CEP250: variants seen among roughly 807,000 people sequenced by gnomAD.
CEP250 encodes the protein centrosome-associated protein CEP250.
A neutral mutation model predicts 315.7 loss-of-function variants in CEP250; 242 were observed. The ratio of observed to expected loss-of-function variants is 0.77; its 90% confidence interval spans 0.69 to 0.85. CEP250 has a LOEUF of 0.85. Ranked by LOEUF, CEP250 falls within the 40% of genes least tolerant of loss-of-function variation. CEP250 has a pLI of 0.00. For synonymous variants in CEP250, 1,088 were observed against 1,175.0 expected, an observed-to-expected ratio of 0.93 and a Z score of 1.51; for missense variants, 2,515 against 2,886.4, an observed-to-expected ratio of 0.87 and a Z score of 2.95.
intron 20 of CEP250, among the ~76,000 whole-genome samples, chr20:35,482,391 C>T (rs567261943): frequency 5.5e-4 from 83 of 151,884 alleles, no homozygotes; most frequent in African/African-American, 1.8e-3. Context: ...CCACCATGCC[C>T]GGCTAATTTT....
At chr20:35,469,507 G>C (rs75848005) in intron 9 of CEP250, among the ~76,000 whole-genome samples, 1 of 152,118 alleles carries the variant, frequency 6.6e-6, no homozygotes, top group African/African-American at 2.4e-5. Context: ...TCAGAACCTC[G>C]GGCTGGAGGG....
chr20:35,508,273 G>A lies in CEP250; in HGVS notation c.6906+83G>A. The A allele has an allele frequency of 2.1e-6, 3 of 1,441,788 alleles. No individual in the cohort carries two copies. The South Asian group carries it at 3.7e-5, about 18-fold the overall frequency. The allele number at this position is 1,441,788 out of a possible 1,614,324, so 89.3% of individuals were successfully genotyped here. On this transcript the variant is annotated intron_variant, in intron 32 of 34. Transcript: ENST00000397527. ...GCATAGGCTCAGTAAATTACAGCCT[G>A]TGGGCCAAATCCAGCCTGCTGCCTG...
chr20:35,462,220 T>G (rs1238840639), intron 3 of CEP250, 45 bp from the exon 4 acceptor site: 1 of 615,434 alleles, frequency 1.6e-6, no homozygotes, highest in Non-Finnish European at 2.8e-6. Flanking sequence ...TTGTGTGTAG[T>G]AAAAGAACAG....
Position 35,465,779 on chromosome 20 carries a change from C to A in CEP250, c.280C>A (p.Pro94Thr), listed in dbSNP as rs1329786176. The change falls in exon 6 of 35, where the codon CCA becomes ACA. Residue 94 changes from proline (P) to threonine (T), a missense_variant. Physicochemically the swap from Pro to Thr is conservative, Grantham distance 38. Coordinates refer to ENST00000397527, the MANE Select transcript of CEP250 (RefSeq NM_007186.6). ...CCAGAGGTGGGAAAATGTGGAGGAG[C>A]CAAACCTGGATGAGCTGCTGGTCCG... ...IPQRWENVEE[P>T]NLDELLVRLE... 3 of 1,609,380 alleles carry A rather than the reference C, an allele frequency of 1.9e-6. No homozygotes were observed. The highest frequency in any genetic ancestry group is 1.1e-5 in the South Asian group (1 of 89,640).
intron 5 of CEP250, 25 bp downstream of exon 5, chr20:35,463,656 C>T (rs761099997): frequency 9.5e-6 from 15 of 1,583,240 alleles, no homozygotes; most frequent in Non-Finnish European, 1.2e-5. Context: ...GCTCTCTGCA[C>T]CCCCTGGGTC....
rs945695743 is a variant in CEP250 at position 35,482,528 on chromosome 20, C to T, written c.2586+2383C>T. 5.3e-5 allele frequency among the ~76,000 whole-genome samples: 8 copies of T among 151,728 alleles called. No individual in the cohort carries two copies. In the South Asian group the frequency reaches 8.3e-4, roughly 16 times the overall value. On this transcript the variant is annotated intron_variant, in intron 20 of 34. Transcript: ENST00000397527. ...TGCTGGGATTACAGGCGTGAGCCAC[C>T]GTGCCCGGCTATTTATTTTTTTATA...
chr20:35,503,857 C>T lies in CEP250; in HGVS notation c.5488C>T (p.Gln1830Ter). ...EALQQEQQQAQGQEERVKEKA... is the reference protein window; with the variant it reads ...EALQQEQQQA ...TCTGCAGCAAGAACAGCAGCAGGCC[C>T]AGGGACAGGAGGAGAGGGTGAAGGA... The change falls in exon 30 of 35, where the codon CAG (glutamine) becomes TAG (stop). Residue 1830 changes from glutamine to a stop codon, truncating the protein, a stop_gained. Transcript: ENST00000397527. LOFTEE classifies it high-confidence loss of function. The surrounding 1 kb of genome is among the most constrained non-coding windows in gnomAD (Gnocchi z 4.2). 6.2e-7 allele frequency: 1 copy of T among 1,613,914 alleles called. No individual in the cohort carries two copies. Among genetic ancestry groups the T allele is most frequent in the Non-Finnish European group, 8.5e-7 (1 of 1,179,936 alleles).
chr20:35,503,860 G>A lies in CEP250; in HGVS notation c.5491G>A (p.Gly1831Arg). The A allele has an allele frequency of 6.2e-7, 1 of 1,613,950 alleles. No individual in the cohort carries two copies. The highest frequency in any genetic ancestry group is 1.1e-5 in the South Asian group (1 of 91,078). ...GCAGCAAGAACAGCAGCAGGCCCAG[G>A]GACAGGAGGAGAGGGTGAAGGAAAA... ...ALQQEQQQAQ[G>R]QEERVKEKAD... The change falls in exon 30 of 35, where the codon GGA (glycine) becomes AGA (arginine). Residue 1831 changes from glycine (G) to arginine (R), a missense_variant. Physicochemically the swap from Gly to Arg is moderately radical, Grantham distance 125. Coordinates refer to ENST00000397527, the MANE Select transcript of CEP250 (RefSeq NM_007186.6). The surrounding 1 kb of genome is among the most constrained non-coding windows in gnomAD (Gnocchi z 4.2).
intron 9 of CEP250, among the ~76,000 whole-genome samples, chr20:35,468,260 T>A (rs1387492348): frequency 6.6e-6 from 1 of 152,178 alleles, no homozygotes; most frequent in Non-Finnish European, 1.5e-5. Flanking sequence ...AAATGTCACC[T>A]CTTCTATGAA....
At chr20:35,473,322 TC>T in intron 12 of CEP250, 51 bp from the exon 13 acceptor site, 1 of 1,518,956 alleles carries the variant, frequency 6.6e-7, no homozygotes, top group Non-Finnish European at 8.9e-7. Context: ...GGTTCTGACA[TC>T]CCTCCTTTGC....
intron 26 of CEP250, 49 bp from the exon 27 acceptor site, chr20:35,498,546 T>G (rs1409039545): frequency 2.5e-6 from 4 of 1,597,996 alleles, no homozygotes; most frequent in Non-Finnish European, 3.4e-6. Flanking sequence ...GTCTGGCTGT[T>G]TCTTTTCATA....
At chr20:35,460,377 A>G (rs2062727266) in intron 3 of CEP250, among the ~76,000 whole-genome samples, 1 of 152,238 alleles carries the variant, frequency 6.6e-6, no homozygotes, top group Non-Finnish European at 1.5e-5. Context: ...AACAGAAACA[A>G]TAGCACAGTT....
intron 10 of CEP250, among the ~76,000 whole-genome samples, chr20:35,470,573 A>T (rs2063000287): frequency 6.6e-6 from 1 of 152,146 alleles, no homozygotes; most frequent in Admixed American, 6.5e-5. Context: ...AACATGCAGA[A>T]ACCCCGTCTC....
chr20:35,494,691 C>G (rs747874398), intron 24 of CEP250, 34 bp downstream of exon 24: 1 of 1,611,414 alleles, frequency 6.2e-7, no homozygotes, highest in South Asian at 1.1e-5. Flanking sequence ...TGGCTTTTGT[C>G]TATCTGGCTG....
At chr20:35,476,772 G>A (rs2063185451) in intron 16 of CEP250, 177 bp downstream of exon 16, 3 of 543,698 alleles carry the variant, frequency 5.5e-6, no homozygotes, top group Admixed American at 3.2e-5. Context: ...CACACCTCCA[G>A]CAGAACCACC....
At chr20:35,475,429 T>C (rs1354265604) in intron 14 of CEP250, 73 bp from the exon 15 acceptor site, 41 of 1,454,452 alleles carry the variant, frequency 2.8e-5, no homozygotes, top group Non-Finnish European at 3.5e-5. Context: ...CAAAGGTGAT[T>C]ATATTCCTGT....
Position 35,467,028 on chromosome 20 carries a change from G to T in CEP250, c.555G>T (p.Val185=). 1 of 1,613,980 alleles carries T rather than the reference G, an allele frequency of 6.2e-7. No individual in the cohort carries two copies. Among genetic ancestry groups the T allele is most frequent in the Non-Finnish European group, 8.5e-7 (1 of 1,179,896 alleles). ...TTCTCAGTCTATGGCGGGAGGTTGT[G>T]ACATTCCGACGCCACTTCCTGGAAA... ...GRLLSLWREV[V]TFRRHFLEMK... The change falls in exon 8 of 35, where the codon GTG becomes GTT. Residue 185 remains valine (V), a synonymous_variant. Transcript: ENST00000397527.
At chr20:35,475,403 T>C in intron 14 of CEP250, 99 bp from the exon 15 acceptor site, 1 of 1,267,990 alleles carries the variant, frequency 7.9e-7, no homozygotes, top group Non-Finnish European at 1.1e-6. Context: ...TAGACCATCC[T>C]CATTCTGTTG....
chr20:35,484,511 C>G (rs2063449161), intron 20 of CEP250, among the ~76,000 whole-genome samples: 1 of 152,136 alleles, frequency 6.6e-6, no homozygotes, highest in African/African-American at 2.4e-5. Context: ...TTTGTCCCCT[C>G]TCCACATCCC....
Sources: allele counts gnomAD v4.1 joint callset (sites outside exome capture counted in the v4.1 genomes callset), GRCh38; gene constraint gnomAD v4.1.1; non-coding constraint Gnocchi (gnomAD v3.1); transcripts MANE v1.5; gene names NCBI Gene and HGNC (gene_info 2026-07-23, HGNC 2026-07-21).